DLK2: variants seen among roughly 807,000 people sequenced by gnomAD.
The protein encoded by DLK2 is protein delta homolog 2.
DLK2 carries 9 observed loss-of-function variants against 31.3 expected under a neutral mutation model. That is an observed-to-expected ratio of 0.29 (90% CI 0.17 to 0.50). The LOEUF is 0.50. DLK2 is among the 20% of genes least tolerant of loss of function. DLK2 has a pLI of 0.98. For missense variants in DLK2, 387 were observed against 526.1 expected (o/e 0.74, Z 2.59); for synonymous variants, 169 against 201.2 (o/e 0.84, Z 1.35).
chr6:43,450,533 C>A lies in DLK2; in HGVS notation c.*6G>T. ...GAGGAAGGGGGCCAGAAAGCCCCCA[C>A]CTCCATCACAGTGCTGTGGTCTTTC... On this transcript the variant is annotated 3_prime_UTR_variant, in exon 6 of 6. Coordinates refer to ENST00000372488, the MANE Select transcript of DLK2 (RefSeq NM_023932.4). The surrounding 1 kb of genome is among the most constrained non-coding windows in gnomAD (Gnocchi z 4.5). 4.6e-6 allele frequency: 7 copies of A among 1,538,132 alleles called. No homozygotes were observed. The highest frequency in any genetic ancestry group is 6.1e-6 in the Non-Finnish European group (7 of 1,142,164).
rs1783909486 is a variant in DLK2, at chr6:43,454,800, T to C, written c.26A>G (p.His9Arg). 10 of 1,552,958 alleles carry C rather than the reference T, an allele frequency of 6.4e-6. No homozygotes were observed. Among genetic ancestry groups the C allele is most frequent in the Non-Finnish European group, 8.6e-6 (10 of 1,156,308 alleles). ...CAGAATGCACAACAGGCACACGAGA[T>C]GCAGGCAGCGGCAGCCGCTGGGCAT... MPSGCRCL[H>R]LVCLLCILGA... Residue 9 changes from histidine (H) to arginine (R), a missense_variant, in exon 2 of 6, where the codon CAT (histidine) becomes CGT (arginine). By Grantham distance (29) the His-to-Arg change is conservative. Transcript: ENST00000372488.
Position 43,450,368 on chromosome 6 carries a change from T to A in DLK2, c.*171A>T. On this transcript the variant is annotated 3_prime_UTR_variant, in exon 6 of 6. Coordinates refer to ENST00000372488, the MANE Select transcript of DLK2 (RefSeq NM_023932.4). The surrounding 1 kb of genome is among the most constrained non-coding windows in gnomAD (Gnocchi z 4.5). ...GGAGCCCACTTGCATTTTCATAGTT[T>A]TATTTGATAAAATTCCATCTTACAT... The A allele has an allele frequency of 9.8e-7, 1 of 1,023,414 alleles. No homozygotes were observed. Among genetic ancestry groups the A allele is most frequent in the Non-Finnish European group, 1.4e-6 (1 of 734,874 alleles). 63.4% of individuals were successfully genotyped at this position (1,023,414 alleles called of 1,614,324 possible). A position where few individuals can be genotyped will look rare whatever the true frequency, so the allele number is the denominator to read the frequency against.
rs1424702465 is a variant in DLK2 at position 43,454,421 on chromosome 6, C to G, written c.130G>C (p.Gly44Arg). 1 of 1,603,790 alleles carries G rather than the reference C, an allele frequency of 6.2e-7. No individual in the cohort carries two copies. The highest frequency in any genetic ancestry group is 8.5e-7 in the Non-Finnish European group (1 of 1,176,662). ...DLAHGCCAPDGSCRCDPGWEG... is the reference protein window; with the variant it reads ...DLAHGCCAPDRSCRCDPGWEG... ...GCTCAGGACAGGTACCTGCAGGAGC[C>G]GTCAGGTGCACAGCAGCCGTGGGCC... Residue 44 changes from glycine to arginine, a missense_variant, in exon 3 of 6, where the codon GGC (glycine) becomes CGC (arginine). Coordinates refer to ENST00000372488, the MANE Select transcript of DLK2 (RefSeq NM_023932.4).
intron 4 of DLK2, 128 bp downstream of exon 4, chr6:43,452,876 TA>T: frequency 4.3e-6 from 6 of 1,399,238 alleles, no homozygotes; most frequent in Admixed American, 2.3e-5. Flanking sequence ...GTCTAAGATT[TA>T]AAAAAATGAT....
chr6:43,453,140 C>T lies in DLK2; in HGVS notation c.141-5G>A, dbSNP rs554983592. ...CCCTCCCAGCCCGGGTCACACCTGA[C>T]GGGGAGAAGCACAGGGTCAGGGCTC... is the stretch of plus-strand genomic sequence containing the variant. On this transcript the variant is annotated splice_region_variant and splice_polypyrimidine_tract_variant and intron_variant, in intron 3 of 5. Coordinates refer to ENST00000372488, the MANE Select transcript of DLK2 (RefSeq NM_023932.4). The surrounding 1 kb of genome is among the most constrained non-coding windows in gnomAD (Gnocchi z 4.1). 55 of 1,593,626 alleles carry T rather than the reference C, an allele frequency of 3.5e-5. No homozygotes were observed. The highest frequency in any genetic ancestry group is 2.5e-4 in the East Asian group (11 of 44,334).
In DLK2 at chr6:43,452,020, G is replaced by A. The variant is rs749764675; in HGVS notation, c.336C>T (p.Gly112=). Residue 112 remains glycine (G), a synonymous_variant, in exon 5 of 6, where the codon GGC becomes GGT. Transcript: ENST00000372488. ...QNGGQCMYDG[G]GEYHCVCLPG... ...GTAAGCACACACAATGGTACTCACC[G>A]CCCCCGTCATACATGCACTGGCCTC... 2.5e-5 allele frequency: 40 copies of A among 1,614,032 alleles called. No homozygotes were observed. The highest frequency in any genetic ancestry group is 3.3e-5 in the Admixed American group (2 of 59,998).
intron 1 of DLK2, 120 bp from the exon 2 acceptor site, chr6:43,455,000 TAGCGGGA>T: frequency 7.2e-7 from 1 of 1,388,178 alleles, no homozygotes; most frequent in Non-Finnish European, 9.4e-7. Context: ...GGGATGGGGG[TAGCGGGA>T]GGATGGGGGC....
intron 1 of DLK2, 163 bp downstream of exon 1, chr6:43,455,232 G>T: frequency 6.5e-6 from 2 of 309,484 alleles, no homozygotes; most frequent in Non-Finnish European, 9.4e-6. Context: ...CCGGAGGGAA[G>T]GACGGTTCCC....
chr6:43,453,234 AGCCCCT>A lies in DLK2; in HGVS notation c.141-105_141-100del, dbSNP rs1297348687. ...TCTAGAAACCAAGAGGACATATGACAGCCCCTAAGGGAAAGCAGACCTGTCCCAGGT... is the reference window on the plus strand; with the variant it reads ...TCTAGAAACCAAGAGGACATATGACAAAGGGAAAGCAGACCTGTCCCAGGT... On this transcript the variant is annotated intron_variant, in intron 3 of 5. Coordinates refer to ENST00000372488, the MANE Select transcript of DLK2 (RefSeq NM_023932.4). This position sits in a 1 kb window ranked among gnomAD's most constrained non-coding sequence, Gnocchi z 4.1. The A allele has an allele frequency of 2.6e-5, 38 of 1,442,978 alleles. 1 individual carries two copies. The highest frequency in any genetic ancestry group is 3.5e-5 in the Non-Finnish European group (38 of 1,090,046). 89.4% of individuals were successfully genotyped at this position (1,442,978 alleles called of 1,614,324 possible).
chr6:43,451,020 C>T lies in DLK2; in HGVS notation c.671G>A (p.Gly224Glu). 6.2e-7 allele frequency: 1 copy of T among 1,614,122 alleles called. No individual in the cohort carries two copies. Among genetic ancestry groups the T allele is most frequent in the Non-Finnish European group, 8.5e-7 (1 of 1,179,956 alleles). ...DDCASRPCQR[G>E]ARCRDRVHDF... Reference sequence around the variant, plus strand: ...GTGGACACGGTCCCGACAGCGGGCCCCTCTCTGGCATGGGCGGCTGGCACA... The same window carrying T: ...GTGGACACGGTCCCGACAGCGGGCCTCTCTCTGGCATGGGCGGCTGGCACA... Residue 224 changes from glycine to glutamate, a missense_variant, in exon 6 of 6, where the codon GGG becomes GAG. Coordinates refer to ENST00000372488, the MANE Select transcript of DLK2 (RefSeq NM_023932.4). The surrounding 1 kb of genome is among the most constrained non-coding windows in gnomAD (Gnocchi z 4.4).
In DLK2 at chr6:43,455,391, T is replaced by A. The variant is rs2127425418; in HGVS notation, c.-56+4A>T. On this transcript the variant is annotated splice_donor_region_variant and intron_variant, in intron 1 of 5. Transcript: ENST00000372488. ...CCACCGCGCCCTGTCCCCGCAGTCC[T>A]CACCTCCGGCGGGGAGGTGGCGCGC... 1 of 148,522 alleles carries A rather than the reference T, an allele frequency of 6.7e-6. No homozygotes were observed. The highest frequency in any genetic ancestry group is 1.5e-5 in the Non-Finnish European group (1 of 67,064). The allele number at this position is 148,522 out of a possible 1,614,324, so 9.2% of individuals were successfully genotyped here.
chr6:43,450,377 A>G lies in DLK2; in HGVS notation c.*162T>C. The G allele has an allele frequency of 9.6e-7, 1 of 1,040,866 alleles. No individual in the cohort carries two copies. The highest frequency in any genetic ancestry group is 1.3e-6 in the Non-Finnish European group (1 of 750,484). The allele number at this position is 1,040,866 out of a possible 1,614,324, so 64.5% of individuals were successfully genotyped here. A position where few individuals can be genotyped will look rare whatever the true frequency, so the allele number is the denominator to read the frequency against. On this transcript the variant is annotated 3_prime_UTR_variant, in exon 6 of 6. Transcript: ENST00000372488. The surrounding 1 kb of genome is among the most constrained non-coding windows in gnomAD (Gnocchi z 4.5). Reference sequence around the variant, plus strand: ...TTGCATTTTCATAGTTTTATTTGATAAAATTCCATCTTACATTCTGTGTAT... The same window carrying G: ...TTGCATTTTCATAGTTTTATTTGATGAAATTCCATCTTACATTCTGTGTAT...
At chr6:43,454,724 G>T in intron 2 of DLK2, 26 bp downstream of exon 2, 1 of 1,541,378 alleles carries the variant, frequency 6.5e-7, no homozygotes, top group South Asian at 1.2e-5. Context: ...ACAGGGCCGC[G>T]ACTGGAGCCC....
At chr6:43,455,705 G>A (rs1313983239), upstream of DLK2, 1 of 138,288 alleles carries the variant, frequency 7.2e-6, no homozygotes, top group East Asian at 2.3e-4. Flanking sequence ...GGCCCTCCGC[G>A]GCTACCCAAC....
rs529987755 is a variant in DLK2, at chr6:43,454,422, G to T, written c.129C>A (p.Asp43Glu). ...CTCAGGACAGGTACCTGCAGGAGCC[G>T]TCAGGTGCACAGCAGCCGTGGGCCA... ...CDLAHGCCAP[D>E]GSCRCDPGWE... The change falls in exon 3 of 6, where the codon GAC becomes GAA. Residue 43 changes from aspartate to glutamate, a missense_variant. Physicochemically the swap from Asp to Glu is conservative, Grantham distance 45. Coordinates refer to ENST00000372488, the MANE Select transcript of DLK2 (RefSeq NM_023932.4). 16 of 1,603,686 alleles carry T rather than the reference G, an allele frequency of 1.0e-5. No individual in the cohort carries two copies. The highest frequency in any genetic ancestry group is 1.3e-5 in the Non-Finnish European group (15 of 1,176,598).
At position 43,454,642 on chromosome 6, in the gene DLK2, G is replaced by T; in HGVS notation, c.76+108C>A. ...CAAAAAGGCAACCTCGGTCTTGCTT[G>T]CCCCGCGGGTCGGAGCGACTGCAGT... On this transcript the variant is annotated intron_variant, in intron 2 of 5. Coordinates refer to ENST00000372488, the MANE Select transcript of DLK2 (RefSeq NM_023932.4). 2.1e-6 allele frequency: 3 copies of T among 1,427,754 alleles called. No individual in the cohort carries two copies. The South Asian group carries it at 3.7e-5, about 18-fold the overall frequency. 88.4% of individuals were successfully genotyped at this position (1,427,754 alleles called of 1,614,324 possible).
intron 2 of DLK2, 133 bp from the exon 3 acceptor site, chr6:43,454,607 C>T (rs1783899587): frequency 7.5e-7 from 1 of 1,335,626 alleles, no homozygotes; most frequent in Admixed American, 2.2e-5. Context: ...CACAGAAACT[C>T]ATCCCATTCC....
rs761752946 is a variant in DLK2, at chr6:43,450,712, G to A, written c.979C>T (p.Leu327=). The change falls in exon 6 of 6, where the codon CTG becomes TTG. Residue 327 remains leucine (L), a synonymous_variant. Transcript: ENST00000372488. This position sits in a 1 kb window ranked among gnomAD's most constrained non-coding sequence, Gnocchi z 4.5. ...CCCCGGCGCCAGGCCCTCAGGGTCA[G>A]CAACACAGTAGCCAGAACCAGGGCA... ...TAALVLATVL[L]TLRAWRRGVC... 2 of 1,614,124 alleles carry A rather than the reference G, an allele frequency of 1.2e-6. No homozygotes were observed. The highest frequency in any genetic ancestry group is 1.7e-6 in the Non-Finnish European group (2 of 1,179,968).
rs770283438 is a variant in DLK2 at position 43,451,294 on chromosome 6, G to A, written c.417-20C>T. ...GGGGAGCTGTGGTAGGGGTGAGAGAGGACATGATAACCAACTTACCAACAC... is the reference window on the plus strand; with the variant it reads ...GGGGAGCTGTGGTAGGGGTGAGAGAAGACATGATAACCAACTTACCAACAC... On this transcript the variant is annotated intron_variant, in intron 5 of 5. Transcript: ENST00000372488. The surrounding 1 kb of genome is among the most constrained non-coding windows in gnomAD (Gnocchi z 4.4). 3 of 1,607,860 alleles carry A rather than the reference G, an allele frequency of 1.9e-6. No individual in the cohort carries two copies. In the African/African-American group the frequency reaches 4.0e-5, roughly 21 times the overall value.
Sources: gnomAD v4.1 joint callset for allele counts on GRCh38, gnomAD v4.1.1 for gene constraint, Gnocchi (gnomAD v3.1) non-coding constraint, MANE v1.5 for transcripts, NCBI Gene and HGNC (gene_info 2026-07-23, HGNC 2026-07-21) for gene names.